The following SLC16A10 variants were observed in gnomAD, a reference collection of about 807,000 sequenced individuals.
The protein encoded by SLC16A10 is monocarboxylate transporter 10.
SLC16A10 carries 27 observed loss-of-function variants against 40.0 expected under a neutral mutation model. The observed-to-expected ratio is 0.67, with a 90% CI of 0.50 to 0.93. The LOEUF is 0.93. Among genes scored for constraint, SLC16A10 ranks in the 40% least tolerant of loss-of-function variants. The pLI is 0.00. For synonymous variants in SLC16A10, 213 were observed against 249.8 expected (o/e 0.85, Z 1.39); for missense variants, 529 against 658.2 (o/e 0.80, Z 2.15).
At chr6:111,098,768 A>G (rs2114436011) in intron 1 of SLC16A10, among the ~76,000 whole-genome samples, 1 of 152,322 alleles carries the variant, frequency 6.6e-6, no homozygotes, top group East Asian at 1.9e-4. Context: ...GGTTGTTTAA[A>G]CAACGACATT....
intron 1 of SLC16A10, among the ~76,000 whole-genome samples, chr6:111,114,806 A>G (rs1352323837): frequency 6.6e-6 from 1 of 152,206 alleles, no homozygotes; most frequent in African/African-American, 2.4e-5. Context: ...GTAAGCACCT[A>G]TAATTTTCTG....
intron 3 of SLC16A10, among the ~76,000 whole-genome samples, chr6:111,182,319 TTTTTTTTTTTTTTC>T (rs1361258446): frequency 7.0e-6 from 1 of 142,732 alleles, no homozygotes; most frequent in Non-Finnish European, 1.5e-5. Context: ...TCTTTTTTTT[TTTTTTTTTTTTTTC>T]CTTTTTAACG....
intron 1 of SLC16A10, among the ~76,000 whole-genome samples, chr6:111,105,400 A>G (rs186846151): frequency 6.6e-6 from 1 of 152,314 alleles, no homozygotes; most frequent in East Asian, 1.9e-4. Flanking sequence ...CTATAATACT[A>G]TTATAGAATA....
intron 1 of SLC16A10, among the ~76,000 whole-genome samples, chr6:111,146,154 A>G (rs894939059): frequency 6.6e-6 from 1 of 152,264 alleles, no homozygotes; most frequent in African/African-American, 2.4e-5. Context: ...AAAGGATTTG[A>G]ATAGACATTT....
chr6:111,172,902 T>A, intron 2 of SLC16A10, 63 bp downstream of exon 2: 1 of 1,552,918 alleles, frequency 6.4e-7, no homozygotes, highest in East Asian at 2.3e-5. Context: ...AGTTTTACTT[T>A]CAGAAACTAT....
At chr6:111,192,182 T>C (rs1773005799) in intron 3 of SLC16A10, among the ~76,000 whole-genome samples, 1 of 152,204 alleles carries the variant, frequency 6.6e-6, no homozygotes, top group Admixed American at 6.5e-5. Flanking sequence ...TCCAAACTTT[T>C]ATGCTCTGCT....
chr6:111,108,948 T>C (rs1771335508), intron 1 of SLC16A10, among the ~76,000 whole-genome samples: 1 of 152,198 alleles, frequency 6.6e-6, no homozygotes, highest in Non-Finnish European at 1.5e-5. Flanking sequence ...ATATATGGGA[T>C]TGATTCACTG....
intron 3 of SLC16A10, among the ~76,000 whole-genome samples, chr6:111,206,352 C>T (rs1773254876): frequency 6.6e-6 from 1 of 152,190 alleles, no homozygotes; most frequent in South Asian, 2.1e-4. Flanking sequence ...GCTGGGATTA[C>T]AGGCGTGAGC....
At chr6:111,213,759 G>A (rs1003770348) in intron 4 of SLC16A10, among the ~76,000 whole-genome samples, 2 of 152,192 alleles carry the variant, frequency 1.3e-5, no homozygotes, top group South Asian at 2.1e-4. Flanking sequence ...GAAGCACTTC[G>A]AAGTGACACT....
At chr6:111,132,295 T>C (rs976245205) in intron 1 of SLC16A10, among the ~76,000 whole-genome samples, 2 of 152,146 alleles carry the variant, frequency 1.3e-5, no homozygotes, top group Non-Finnish European at 2.9e-5. Context: ...GAAAAAATAG[T>C]GTGCCCTATT....
In SLC16A10 at chr6:111,172,749, G is replaced by C. The variant is rs1461902752; in HGVS notation, c.398G>C (p.Ser133Thr). The change falls in exon 2 of 6, where the codon AGC becomes ACC. Residue 133 changes from serine to threonine, a missense_variant. Physicochemically the swap from Ser to Thr is moderately conservative, Grantham distance 58 (BLOSUM62 1). Coordinates refer to ENST00000368851, the MANE Select transcript of SLC16A10 (RefSeq NM_018593.5). The stretch of plus-strand genomic sequence containing the variant: ...ATTTTCTTTTGCTGCCCAATAGTCA[G>C]CGTCTTCACAGACCTATTTGGTTGT... Reference protein sequence around the residue: ...GMIFFCCPIVSVFTDLFGCRK... With the variant: ...GMIFFCCPIVTVFTDLFGCRK... The C allele has an allele frequency of 6.2e-7, 1 of 1,614,114 alleles. No individual in the cohort carries two copies. Among genetic ancestry groups the C allele is most frequent in the Non-Finnish European group, 8.5e-7 (1 of 1,180,020 alleles).
intron 4 of SLC16A10, among the ~76,000 whole-genome samples, chr6:111,211,267 T>C (rs1286827325): frequency 1.3e-5 from 2 of 152,148 alleles, no homozygotes; most frequent in Non-Finnish European, 2.9e-5. Flanking sequence ...CAAAACAATG[T>C]TTGAACGTCC....
intron 3 of SLC16A10, among the ~76,000 whole-genome samples, chr6:111,181,343 C>A (rs1389772851): frequency 6.6e-6 from 1 of 152,000 alleles, no homozygotes; most frequent in African/African-American, 2.4e-5. Flanking sequence ...TGGAGATAAA[C>A]CCAATTTTGC....
intron 1 of SLC16A10, among the ~76,000 whole-genome samples, chr6:111,121,503 G>A (rs1771583085): frequency 6.6e-6 from 1 of 152,218 alleles, no homozygotes; most frequent in Non-Finnish European, 1.5e-5. Context: ...TGAGGCTGTG[G>A]TCAGCTCTGA....
intron 1 of SLC16A10, among the ~76,000 whole-genome samples, chr6:111,136,749 A>T (rs1045687203): frequency 3.3e-5 from 5 of 152,202 alleles, no homozygotes; most frequent in Non-Finnish European, 7.3e-5. Context: ...CGAAAAGCAG[A>T]GTGTGTAGTG....
intron 2 of SLC16A10, among the ~76,000 whole-genome samples, chr6:111,174,901 TTC>T (rs893457868): frequency 5.9e-5 from 9 of 152,222 alleles, no homozygotes; most frequent in Non-Finnish European, 1.2e-4. Flanking sequence ...TGTGACCCAG[TTC>T]TGTCTCTCTT....
At chr6:111,138,301 A>G (rs1771918418) in intron 1 of SLC16A10, among the ~76,000 whole-genome samples, 1 of 152,262 alleles carries the variant, frequency 6.6e-6, no homozygotes, top group African/African-American at 2.4e-5. Flanking sequence ...GCAGAGAGAT[A>G]CAAGATAAAG....
intron 2 of SLC16A10, among the ~76,000 whole-genome samples, chr6:111,174,655 T>C (rs1772645740): frequency 6.6e-6 from 1 of 152,176 alleles, no homozygotes; most frequent in Non-Finnish European, 1.5e-5. Flanking sequence ...ATTAATGTTA[T>C]TAATACCTCA....
At chr6:111,090,878 CTGGTGT>C (rs1252718276) in intron 1 of SLC16A10, among the ~76,000 whole-genome samples, 92 of 152,090 alleles carry the variant, frequency 6.0e-4, no homozygotes, top group Non-Finnish European at 9.6e-4. Context: ...ATGGATAATC[CTGGTGT>C]TAGAGTACAG....
Sources: allele counts gnomAD v4.1 joint callset (sites outside exome capture counted in the v4.1 genomes callset), GRCh38; gene constraint gnomAD v4.1.1; transcripts MANE v1.5; gene names NCBI Gene and HGNC (gene_info 2026-07-23, HGNC 2026-07-21).